PALS2: variants seen among roughly 807,000 people sequenced by gnomAD.
PALS2 encodes the protein protein PALS2.
A neutral mutation model predicts 61.6 loss-of-function variants in PALS2; 27 were observed. The observed-to-expected ratio is 0.44, with a 90% CI of 0.32 to 0.60. The LOEUF (loss-of-function observed/expected upper bound fraction) is 0.60, where lower values mean the gene tolerates loss of function less well. Ranked by LOEUF, PALS2 falls within the 20% of genes least tolerant of loss-of-function variation. PALS2 has a pLI of 0.05. For missense variants in PALS2, 554 were observed against 639.4 expected (o/e 0.87, Z 1.44); for synonymous variants, 236 against 218.6 (o/e 1.08, Z -0.70).
chr7:24,622,452 A>G (rs1490922403), intron 1 of PALS2, among the ~76,000 whole-genome samples: 1 of 151,678 alleles, frequency 6.6e-6, no homozygotes, highest in Non-Finnish European at 1.5e-5. Context: ...GGTTTTCTTA[A>G]TTTCATTTTT....
chr7:24,681,889 A>T (rs1049764240), intron 11 of PALS2, among the ~76,000 whole-genome samples: 6 of 152,098 alleles, frequency 3.9e-5, no homozygotes, highest in African/African-American at 7.2e-5. Flanking sequence ...TTTCAAGTTG[A>T]TCCATGTCTC....
intron 6 of PALS2, among the ~76,000 whole-genome samples, chr7:24,665,175 G>C (rs970566354): frequency 1.3e-5 from 2 of 152,094 alleles, no homozygotes; most frequent in Non-Finnish European, 2.9e-5. Flanking sequence ...ATTCCACATA[G>C]TATCTCCTTT....
At chr7:24,681,723 A>G (rs887558560) in intron 11 of PALS2, among the ~76,000 whole-genome samples, 7 of 152,190 alleles carry the variant, frequency 4.6e-5, no homozygotes, top group African/African-American at 1.7e-4. Flanking sequence ...AGCCATTACA[A>G]CCAAAATAAT....
chr7:24,598,019 T>C (rs547875775), intron 1 of PALS2, among the ~76,000 whole-genome samples: 47 of 152,188 alleles, frequency 3.1e-4, no homozygotes, highest in African/African-American at 1.1e-3. Flanking sequence ...AAAAGAGCTG[T>C]GGAAAATAAG....
rs1784379779 is a variant in PALS2 at position 24,618,624 on chromosome 7, A to C, written c.-2-5042A>C. The stretch of plus-strand genomic sequence containing the variant: ...TGGATTCTCCTGTAGTAAGGATTGC[A>C]TGTGTTTGCAGTGGGAGTGGAGGCT... On this transcript the variant is annotated intron_variant, in intron 1 of 11. Transcript: ENST00000222644. This position sits in a 1 kb window ranked among gnomAD's most constrained non-coding sequence, Gnocchi z 5.1. 6.6e-6 allele frequency among the ~76,000 whole-genome samples: 1 copy of C among 152,160 alleles called. No individual in the cohort carries two copies.
chr7:24,585,415 C>G (rs1783023439), intron 1 of PALS2, among the ~76,000 whole-genome samples: 2 of 152,086 alleles, frequency 1.3e-5, no homozygotes, highest in South Asian at 4.1e-4. Context: ...ATATTCAGAT[C>G]CTTTCTTATG....
intron 1 of PALS2, among the ~76,000 whole-genome samples, chr7:24,575,529 A>G (rs141426543): frequency 2.5e-3 from 376 of 152,326 alleles, no homozygotes; most frequent in Middle Eastern, 0.014. Flanking sequence ...CCAAGAAGAC[A>G]TAACTGTGAC....
chr7:24,576,264 G>T (rs893658736), intron 1 of PALS2, among the ~76,000 whole-genome samples: 1 of 152,078 alleles, frequency 6.6e-6, no homozygotes, highest in African/African-American at 2.4e-5. Context: ...TTGTTGTAGG[G>T]ACCAGTTTTG....
rs574704532 is a variant in PALS2, at chr7:24,688,081, T to C, written c.*467T>C. The C allele has an allele frequency of 6.6e-6, 1 of 152,488 alleles. No individual in the cohort carries two copies. The highest frequency in any genetic ancestry group is 1.9e-4 in the East Asian group (1 of 5,200). The allele number at this position is 152,488 out of a possible 1,614,324, so 9.4% of individuals were successfully genotyped here. A position where few individuals can be genotyped will look rare whatever the true frequency, so the allele number is the denominator to read the frequency against. On this transcript the variant is annotated 3_prime_UTR_variant, in exon 12 of 12. Transcript: ENST00000222644. ...AAAATATAGTTATTGACCTTCCTTC[T>C]TATAAATTTCTTACAAAAGCAGAAT... is the stretch of plus-strand genomic sequence containing the variant.
chr7:24,634,293 C>T (rs891791609), intron 2 of PALS2, among the ~76,000 whole-genome samples: 8 of 152,074 alleles, frequency 5.3e-5, no homozygotes, highest in Non-Finnish European at 7.4e-5. Flanking sequence ...TGCAGTGGCA[C>T]GATCTCGGCC....
At chr7:24,614,448 A>T (rs1172877911) in intron 1 of PALS2, among the ~76,000 whole-genome samples, 1 of 151,928 alleles carries the variant, frequency 6.6e-6, no homozygotes, top group Non-Finnish European at 1.5e-5. Context: ...TGTAAATAGT[A>T]ACAATTTGAC....
At chr7:24,616,806 G>A (rs766341849) in intron 1 of PALS2, among the ~76,000 whole-genome samples, 2 of 151,874 alleles carry the variant, frequency 1.3e-5, no homozygotes, top group African/African-American at 4.8e-5. Flanking sequence ...TGATTTCTTC[G>A]TCTATGACTT....
intron 1 of PALS2, among the ~76,000 whole-genome samples, chr7:24,580,118 T>G (rs181133802): frequency 2.6e-5 from 4 of 152,170 alleles, no homozygotes; most frequent in Non-Finnish European, 1.5e-5. Context: ...GGGTACATGT[T>G]GGGAGAAGTT....
At chr7:24,631,409 A>G (rs1455558081) in intron 2 of PALS2, among the ~76,000 whole-genome samples, 10 of 152,190 alleles carry the variant, frequency 6.6e-5, no homozygotes, top group Non-Finnish European at 1.5e-4. Context: ...TAAAACTTGA[A>G]CAGATAAGGA....
intron 3 of PALS2, 105 bp downstream of exon 3, chr7:24,641,973 A>C: frequency 8.1e-7 from 1 of 1,238,964 alleles, no homozygotes; most frequent in East Asian, 2.4e-5. Flanking sequence ...ATTTAGGGCT[A>C]TAATAGGTAA....
rs969237582 is a variant in PALS2 at position 24,618,528 on chromosome 7, C to T, written c.-2-5138C>T. Among the ~76,000 whole-genome samples the T allele has an allele frequency of 2.0e-5, 3 of 152,236 alleles. No individual in the cohort carries two copies. The highest frequency in any genetic ancestry group is 4.8e-5 in the African/African-American group (2 of 41,472). On this transcript the variant is annotated intron_variant, in intron 1 of 11. Transcript: ENST00000222644. The surrounding 1 kb of genome is among the most constrained non-coding windows in gnomAD (Gnocchi z 5.1). Reference sequence around the variant, plus strand: ...GGAGTAAGTGCAGATCTTGTGCTCCCAGTCTGGGGGAATACAGCTGTGTGA... The same window carrying T: ...GGAGTAAGTGCAGATCTTGTGCTCCTAGTCTGGGGGAATACAGCTGTGTGA...
chr7:24,606,315 A>G (rs2128049750), intron 1 of PALS2, among the ~76,000 whole-genome samples: 1 of 152,304 alleles, frequency 6.6e-6, no homozygotes, highest in Non-Finnish European at 1.5e-5. Context: ...AACAGACTCC[A>G]AGACACTGTG....
intron 1 of PALS2, among the ~76,000 whole-genome samples, chr7:24,584,648 C>T (rs899931170): frequency 6.6e-6 from 1 of 151,812 alleles, no homozygotes; most frequent in Non-Finnish European, 1.5e-5. Flanking sequence ...TTTTGCTGTG[C>T]AGAAGCTCTT....
chr7:24,611,838 C>T (rs1342498278), intron 1 of PALS2, among the ~76,000 whole-genome samples: 1 of 151,682 alleles, frequency 6.6e-6, no homozygotes, highest in African/African-American at 2.4e-5. Flanking sequence ...GGGAGTGGTG[C>T]AAATTGAATC....
Sources: gnomAD v4.1 joint callset for allele counts (sites outside exome capture counted in the v4.1 genomes callset) on GRCh38, gnomAD v4.1.1 for gene constraint, Gnocchi (gnomAD v3.1) non-coding constraint, MANE v1.5 for transcripts, NCBI Gene and HGNC (gene_info 2026-07-23, HGNC 2026-07-21) for gene names.